Variants in ITGA2 observed in about 807,000 individuals in gnomAD.
ITGA2 encodes integrin subunit alpha 2.
Under a neutral mutation model 146.3 loss-of-function variants are expected in ITGA2, and 101 were observed. That is an observed-to-expected ratio of 0.69 (90% CI 0.59 to 0.81). The LOEUF (loss-of-function observed/expected upper bound fraction) is 0.81. Ranked by LOEUF, ITGA2 falls within the 40% of genes least tolerant of loss-of-function variation. The probability of loss-of-function intolerance (pLI) is 0.00; values close to 1 mark genes in which losing one functional copy is unlikely to be tolerated. For synonymous variants in ITGA2, 477 were observed against 487.1 expected (o/e 0.98, Z 0.27); for missense variants, 1,281 against 1,402.7 (o/e 0.91, Z 1.39).
At chr5:53,019,769 G>C (rs1313926025) in intron 1 of ITGA2, among the ~76,000 whole-genome samples, 4 of 152,008 alleles carry the variant, frequency 2.6e-5, no homozygotes, top group Non-Finnish European at 5.9e-5. Context: ...CAGGTGATCT[G>C]TCCACCTCGG....
chr5:53,067,044 C>T, intron 15 of ITGA2, 74 bp from the exon 16 acceptor site: 1 of 1,465,136 alleles, frequency 6.8e-7, no homozygotes, highest in Non-Finnish European at 9.4e-7. Context: ...GGTACTGGGT[C>T]CTCTATGATA....
chr5:53,036,751 A>G (rs912882355), intron 2 of ITGA2, among the ~76,000 whole-genome samples: 1 of 150,354 alleles, frequency 6.7e-6, no homozygotes, highest in Non-Finnish European at 1.5e-5. Flanking sequence ...TCCTCAGGCT[A>G]GAAACTTTTT....
intron 2 of ITGA2, among the ~76,000 whole-genome samples, chr5:53,028,371 A>T (rs1743054404): frequency 6.6e-6 from 1 of 152,250 alleles, no homozygotes; most frequent in Non-Finnish European, 1.5e-5. Flanking sequence ...CAATGCATGT[A>T]GATACAGTTT....
chr5:53,045,243 A>G, intron 4 of ITGA2, 151 bp downstream of exon 4: 1 of 682,554 alleles, frequency 1.5e-6, no homozygotes, highest in Middle Eastern at 2.5e-4. Context: ...AATGTTGAAT[A>G]TTCAAAATAA....
At chr5:53,074,499 C>G in intron 21 of ITGA2, 22 bp downstream of exon 21, 1 of 1,561,286 alleles carries the variant, frequency 6.4e-7, no homozygotes, top group Non-Finnish European at 8.8e-7. Flanking sequence ...ATTTCATCCT[C>G]CAATCCATAC....
At chr5:53,089,362 A>T (rs1740294474) in intron 28 of ITGA2, 1 of 153,352 alleles carries the variant, frequency 6.5e-6, no homozygotes, top group Non-Finnish European at 1.5e-5. Flanking sequence ...CCATTACAGC[A>T]TCTCAAAGAT....
At chr5:52,993,079 C>T (rs1454576017) in intron 1 of ITGA2, among the ~76,000 whole-genome samples, 1 of 152,164 alleles carries the variant, frequency 6.6e-6, no homozygotes, top group Non-Finnish European at 1.5e-5. Context: ...TTGCAACTGA[C>T]CATTATCCAA....
chr5:53,078,733 C>T, intron 23 of ITGA2, 39 bp from the exon 24 acceptor site: 1 of 1,187,866 alleles, frequency 8.4e-7, no homozygotes, highest in Non-Finnish European at 1.3e-6. Context: ...AGAACAAAAG[C>T]AAACTAAAAT....
chr5:53,006,522 T>A (rs1261586115), intron 1 of ITGA2, among the ~76,000 whole-genome samples: 1 of 152,244 alleles, frequency 6.6e-6, no homozygotes, highest in African/African-American at 2.4e-5. Context: ...TTAATTAAAC[T>A]GTTCTTTATT....
chr5:53,011,659 A>G (rs1038095918), intron 1 of ITGA2, among the ~76,000 whole-genome samples: 1 of 152,156 alleles, frequency 6.6e-6, no homozygotes, highest in African/African-American at 2.4e-5. Flanking sequence ...CCCATTAAAT[A>G]ATAAATGATT....
chr5:53,024,165 T>C (rs1024160479), intron 1 of ITGA2, among the ~76,000 whole-genome samples: 2 of 152,206 alleles, frequency 1.3e-5, no homozygotes, highest in Non-Finnish European at 2.9e-5. Flanking sequence ...TCCTTATTTG[T>C]AATTTGTTAA....
At chr5:53,006,806 G>A (rs1741880449) in intron 1 of ITGA2, among the ~76,000 whole-genome samples, 1 of 152,100 alleles carries the variant, frequency 6.6e-6, no homozygotes, top group African/African-American at 2.4e-5. Context: ...CATGCAAAAG[G>A]TTAAGGTCAC....
chr5:53,091,782 G>A lies in ITGA2; in HGVS notation c.*1183G>A, dbSNP rs1309964379. ...GCTATTTTCATTTAGTGCTAAACAA[G>A]TAAGAAAAATAAGCTCGAGTGAATT... On this transcript the variant is annotated 3_prime_UTR_variant, in exon 30 of 30. Transcript: ENST00000296585. 2.0e-5 allele frequency: 3 copies of A among 152,198 alleles called. No individual in the cohort carries two copies. In the East Asian group the frequency reaches 5.8e-4, roughly 29 times the overall value. The allele number at this position is 152,198 out of a possible 1,614,324, so 9.4% of individuals were successfully genotyped here. A position where few individuals can be genotyped will look rare whatever the true frequency, so the allele number is the denominator to read the frequency against.
intron 7 of ITGA2, among the ~76,000 whole-genome samples, chr5:53,055,287 A>G (rs762970019): frequency 2.0e-5 from 3 of 152,154 alleles, no homozygotes; most frequent in Non-Finnish European, 4.4e-5. Context: ...ACTGGGATAA[A>G]TACATGCACA....
Position 53,008,625 on chromosome 5 carries a change from G to A in ITGA2, c.65-18123G>A, listed in dbSNP as rs528139694. Reference sequence around the variant, plus strand: ...GCAAATCATGAAGCAGGATATTATCGCCAGATGTCAGCTAGAGTCTCTCTC... The same window carrying A: ...GCAAATCATGAAGCAGGATATTATCACCAGATGTCAGCTAGAGTCTCTCTC... On this transcript the variant is annotated intron_variant, in intron 1 of 29. Transcript: ENST00000296585. 4.4e-4 allele frequency among the ~76,000 whole-genome samples: 55 copies of A among 125,676 alleles called. 1 individual carries two copies. Among genetic ancestry groups the A allele is most frequent in the African/African-American group, 1.4e-3 (49 of 35,086 alleles). 82.4% of individuals were successfully genotyped at this position (125,676 alleles called of 152,430 possible).
chr5:53,066,588 C>T (rs916612900), intron 15 of ITGA2, among the ~76,000 whole-genome samples: 12 of 151,628 alleles, frequency 7.9e-5, no homozygotes, highest in Admixed American at 3.3e-4. Context: ...TTGTCTCTGT[C>T]AAAAAATGTG....
At chr5:53,026,718 A>T (rs775921859) in intron 1 of ITGA2, 30 bp from the exon 2 acceptor site, 4 of 1,585,454 alleles carry the variant, frequency 2.5e-6, no homozygotes, top group Non-Finnish European at 2.6e-6. Context: ...TGAATTGTAA[A>T]TATGTGCTAT....
At chr5:53,020,426 C>G (rs1742620855) in intron 1 of ITGA2, among the ~76,000 whole-genome samples, 1 of 152,094 alleles carries the variant, frequency 6.6e-6, no homozygotes, top group Non-Finnish European at 1.5e-5. Flanking sequence ...AGTCTATAGG[C>G]ATAAATGTAG....
intron 23 of ITGA2, among the ~76,000 whole-genome samples, chr5:53,075,641 G>C (rs969723575): frequency 6.6e-6 from 1 of 151,924 alleles, no homozygotes; most frequent in Non-Finnish European, 1.5e-5. Flanking sequence ...CCTGAGAGTT[G>C]TCTTCACTTT....
Sources: allele counts gnomAD v4.1 joint callset (sites outside exome capture counted in the v4.1 genomes callset), GRCh38; gene constraint gnomAD v4.1.1; transcripts MANE v1.5; gene names NCBI Gene and HGNC (gene_info 2026-07-23, HGNC 2026-07-21).